SLC14A2: variants seen among roughly 807,000 people sequenced by gnomAD.
The protein encoded by SLC14A2 is solute carrier family 14 member 2, also known as urea transporter 2.
SLC14A2 carries 91 observed loss-of-function variants against 104.6 expected under a neutral mutation model. That is an observed-to-expected ratio of 0.87 (90% CI 0.73 to 1.04). SLC14A2 has a LOEUF of 1.04. SLC14A2 is among the 50% of genes least tolerant of loss of function. The probability of loss-of-function intolerance (pLI) is 0.00; values close to 1 mark genes in which losing one functional copy is unlikely to be tolerated. For synonymous variants in SLC14A2, 476 were observed against 466.4 expected, an observed-to-expected ratio of 1.02 and a Z score of -0.27; for missense variants, 1,189 against 1,156.0, an observed-to-expected ratio of 1.03 and a Z score of -0.41.
At chr18:45,592,192 T>G (rs988811392) in intron 2 of SLC14A2, among the ~76,000 whole-genome samples, 2 of 152,168 alleles carry the variant, frequency 1.3e-5, no homozygotes, top group African/African-American at 4.8e-5. Flanking sequence ...TTAGGGCAGA[T>G]ATTTAACCTT....
chr18:45,440,718 G>A (rs1159309653), intron 1 of SLC14A2, among the ~76,000 whole-genome samples: 1 of 152,176 alleles, frequency 6.6e-6, no homozygotes, highest in Non-Finnish European at 1.5e-5. Flanking sequence ...TTTCTCATCT[G>A]TAATGAGGGG....
At chr18:45,478,564 A>T (rs1014826128) in intron 1 of SLC14A2, among the ~76,000 whole-genome samples, 5 of 152,100 alleles carry the variant, frequency 3.3e-5, no homozygotes, top group Admixed American at 1.3e-4. Context: ...ATCTTTGTAG[A>T]GTTCTTCTGA....
At chr18:45,475,275 AG>A (rs147551996) in intron 1 of SLC14A2, among the ~76,000 whole-genome samples, 31,263 of 151,864 alleles carry the variant, frequency 0.21, 3,674 homozygotes, top group Non-Finnish European at 0.27. Context: ...GCATTTGCTG[AG>A]GGAGGGTTTT....
chr18:45,512,191 A>G (rs1166733192), intron 2 of SLC14A2, among the ~76,000 whole-genome samples: 3 of 152,186 alleles, frequency 2.0e-5, no homozygotes, highest in Non-Finnish European at 4.4e-5. Context: ...ACCAATATCC[A>G]TGGAGCATCC....
intron 2 of SLC14A2, among the ~76,000 whole-genome samples, chr18:45,527,516 A>G (rs2043611439): frequency 6.6e-6 from 1 of 152,182 alleles, no homozygotes; most frequent in African/African-American, 2.4e-5. Context: ...TTATGCCTTA[A>G]CCTATTCAAC....
intron 1 of SLC14A2, among the ~76,000 whole-genome samples, chr18:45,365,633 G>T (rs535044606): frequency 1.3e-5 from 2 of 152,258 alleles, no homozygotes; most frequent in African/African-American, 4.8e-5. Context: ...GCATCGCAGA[G>T]GTTCCAGATC....
At chr18:45,352,020 T>C (rs982143615) in intron 1 of SLC14A2, among the ~76,000 whole-genome samples, 2 of 152,122 alleles carry the variant, frequency 1.3e-5, no homozygotes, top group Non-Finnish European at 2.9e-5. Flanking sequence ...AAAAGAGTCA[T>C]CTGACAACAG....
the SLC14A2 span, among the ~76,000 whole-genome samples, chr18:45,205,427 G>A: frequency 6.6e-6 from 1 of 152,236 alleles, no homozygotes; most frequent in East Asian, 1.9e-4. Flanking sequence ...TATTAGAGTC[G>A]ACTCTAAATT....
intron 1 of SLC14A2, among the ~76,000 whole-genome samples, chr18:45,246,566 T>TGTG (rs2084369403): frequency 6.7e-6 from 1 of 149,020 alleles, no homozygotes; most frequent in Admixed American, 6.6e-5. Flanking sequence ...AAATAACTTT[T>TGTG]GTTGTTGTTG....
chr18:45,338,754 G>A, intron 1 of SLC14A2, among the ~76,000 whole-genome samples: 1 of 141,054 alleles, frequency 7.1e-6, no homozygotes. Flanking sequence ...AACCCTGTCA[G>A]CAACATGGGT....
rs2045049581 is a variant in SLC14A2, at chr18:45,615,545, CTG to C, written c.-70_-69del. 1 of 152,108 alleles carries C rather than the reference CTG, an allele frequency of 6.6e-6. No individual in the cohort carries two copies. The highest frequency in any genetic ancestry group is 2.4e-5 in the African/African-American group (1 of 41,412). The allele number at this position is 152,108 out of a possible 1,614,324, so 9.4% of individuals were successfully genotyped here. ...GCTTCCCCTTCGCCTTCCACCATGA[CTG>C]TAAGTTTCCTGAGGCCTCCCCAGCA... On this transcript the variant is annotated 5_prime_UTR_variant, in exon 1 of 20. The change creates a premature stop within an existing upstream ORF in the 5' untranslated region. Transcript: ENST00000255226.
chr18:45,305,954 C>T (rs2085017049), intron 1 of SLC14A2, among the ~76,000 whole-genome samples: 2 of 152,200 alleles, frequency 1.3e-5, no homozygotes, highest in Non-Finnish European at 2.9e-5. Context: ...AATTAGGGAG[C>T]ATATTAAATC....
At chr18:45,327,881 C>T (rs2085251847) in intron 1 of SLC14A2, among the ~76,000 whole-genome samples, 1 of 152,122 alleles carries the variant, frequency 6.6e-6, no homozygotes, top group Admixed American at 6.5e-5. Flanking sequence ...TCATAGACAG[C>T]CTCTGAATGA....
At chr18:45,205,768 G>C in the SLC14A2 span, among the ~76,000 whole-genome samples, 36,378 of 152,112 alleles carry the variant, frequency 0.24, 4,671 homozygotes, top group Non-Finnish European at 0.3. Flanking sequence ...TCCCTGGCTG[G>C]ACCTATCCAG....
intron 2 of SLC14A2, among the ~76,000 whole-genome samples, chr18:45,525,871 T>G (rs1378582748): frequency 2.6e-5 from 4 of 152,210 alleles, no homozygotes; most frequent in Admixed American, 2.6e-4. Context: ...TGGTGGCCAT[T>G]TTGTTTCTAG....
chr18:45,477,570 A>G (rs2087406819), intron 1 of SLC14A2, among the ~76,000 whole-genome samples: 1 of 152,134 alleles, frequency 6.6e-6, no homozygotes, highest in Non-Finnish European at 1.5e-5. Flanking sequence ...AAGTCTACTG[A>G]AGCTGCACCC....
the SLC14A2 span, among the ~76,000 whole-genome samples, chr18:45,183,943 T>C: frequency 1.9e-5 from 2 of 106,980 alleles, no homozygotes; most frequent in Non-Finnish European, 3.5e-5. Flanking sequence ...TTGTGAGACA[T>C]GGAGTCTCAT....
chr18:45,362,235 T>C (rs1264249189), intron 1 of SLC14A2, among the ~76,000 whole-genome samples: 1 of 152,240 alleles, frequency 6.6e-6, no homozygotes, highest in East Asian at 1.9e-4. Flanking sequence ...CATGCAGAAC[T>C]GTGAGTCAAT....
chr18:45,357,149 G>C (rs34376234), intron 1 of SLC14A2, among the ~76,000 whole-genome samples: 10 of 151,396 alleles, frequency 6.6e-5, no homozygotes, highest in Non-Finnish European at 1.5e-4. Context: ...GGGACCAGGA[G>C]GAGTGGCTGA....
Sources: allele counts gnomAD v4.1 joint callset (sites outside exome capture counted in the v4.1 genomes callset), GRCh38; gene constraint gnomAD v4.1.1; transcripts MANE v1.5; gene names NCBI Gene and HGNC (gene_info 2026-07-23, HGNC 2026-07-21).